DNAAF5: variants seen among roughly 807,000 people sequenced by gnomAD.
The protein encoded by DNAAF5 is HEAT repeat containing 2.
Under a neutral mutation model 75.8 loss-of-function variants are expected in DNAAF5, and 64 were observed. The observed-to-expected ratio is 0.84, with a 90% CI of 0.69 to 1.04. DNAAF5 has a LOEUF of 1.04. Ranked by LOEUF, DNAAF5 falls within the 50% of genes least tolerant of loss-of-function variation. DNAAF5 has a pLI of 0.00. For missense variants in DNAAF5, 1,269 were observed against 1,178.5 expected (o/e 1.08, Z -1.12); for synonymous variants, 657 against 557.2 (o/e 1.18, Z -2.52).
chr7:740,146 G>A (rs1046955061), intron 2 of DNAAF5, among the ~76,000 whole-genome samples: 22 of 152,294 alleles, frequency 1.4e-4, no homozygotes, highest in African/African-American at 3.1e-4. Context: ...CTTCCTGGCC[G>A]TTCCCGCTTC....
chr7:757,499 C>T (rs1228319791), intron 6 of DNAAF5, among the ~76,000 whole-genome samples: 1 of 152,236 alleles, frequency 6.6e-6, no homozygotes, highest in Non-Finnish European at 1.5e-5. Context: ...CACTGACAGC[C>T]TGTTCCCCAT....
intron 4 of DNAAF5, 24 bp downstream of exon 4, chr7:741,489 G>T: frequency 7.3e-7 from 1 of 1,376,966 alleles, no homozygotes; most frequent in Non-Finnish European, 1.0e-6. Flanking sequence ...GCAGAGGGGA[G>T]CGCCAGGAGG....
In DNAAF5 at chr7:775,132, G is replaced by C. The variant is rs147534674; in HGVS notation, c.2209G>C (p.Asp737His). 1.9e-6 allele frequency: 3 copies of C among 1,614,036 alleles called. No individual in the cohort carries two copies. The highest frequency in any genetic ancestry group is 1.3e-5 in the African/African-American group (1 of 74,914). ...CTTAAAAACCTCGGGCGGCATGACG[G>C]ATCCAGAGAAACTCATCAGGATTTA... ...TFLKTSGGMT[D>H]PEKLIRIYPE... Residue 737 changes from aspartate (D) to histidine (H), a missense_variant, in exon 11 of 13, where the codon GAT (aspartate) becomes CAT (histidine). Asp to His is a moderately conservative substitution (Grantham distance 81). Transcript: ENST00000297440.
intron 12 of DNAAF5, among the ~76,000 whole-genome samples, chr7:780,390 A>G (rs1778898102): frequency 6.6e-6 from 1 of 152,266 alleles, no homozygotes; most frequent in African/African-American, 2.4e-5. Flanking sequence ...TTAGTTGTTT[A>G]AAATAACAAT....
At position 770,107 on chromosome 7, in the gene DNAAF5, A is replaced by G. The variant is rs375896176; in HGVS notation, c.1784-364A>G. Among the ~76,000 whole-genome samples, 19 of 151,976 alleles carry G rather than the reference A, an allele frequency of 1.3e-4. No individual in the cohort carries two copies. In the East Asian group the frequency reaches 1.5e-3, roughly 12 times the overall value. On this transcript the variant is annotated intron_variant, in intron 8 of 12. Transcript: ENST00000297440. ...GATGGGACTACAGGTATATGCCACC[A>G]TGCTAGGGTAATTTTTGTATTTTTA...
intron 8 of DNAAF5, 67 bp from the exon 9 acceptor site, chr7:770,404 T>C: frequency 2.0e-6 from 3 of 1,505,220 alleles, no homozygotes; most frequent in Non-Finnish European, 2.7e-6. Context: ...AGCCTGGGCC[T>C]GTGCTGGATG....
At chr7:734,825 ATTTC>A (rs1781684586) in intron 2 of DNAAF5, among the ~76,000 whole-genome samples, 1 of 152,108 alleles carries the variant, frequency 6.6e-6, no homozygotes, top group Non-Finnish European at 1.5e-5. Flanking sequence ...GAATTTATCC[ATTTC>A]TTCTAGGTTT....
At chr7:782,885 AAC>A (rs1779020647) in intron 12 of DNAAF5, among the ~76,000 whole-genome samples, 1 of 150,032 alleles carries the variant, frequency 6.7e-6, no homozygotes, top group Admixed American at 6.6e-5. Context: ...CCCCTCACAC[AAC>A]GTCAGAAACT....
At chr7:757,927 G>A (rs924263058) in intron 6 of DNAAF5, among the ~76,000 whole-genome samples, 1 of 152,248 alleles carries the variant, frequency 6.6e-6, no homozygotes, top group African/African-American at 2.4e-5. Flanking sequence ...GGCCTGTCCT[G>A]TGTCAGGCTC....
rs144405450 is a variant in DNAAF5, at chr7:761,781, G to T, written c.1499G>T (p.Cys500Phe). The T allele has an allele frequency of 2.0e-4, 319 of 1,608,784 alleles. No homozygotes were observed. Among genetic ancestry groups the T allele is most frequent in the Non-Finnish European group, 2.6e-4 (308 of 1,177,774 alleles). ...NDLYLERLLL[C>F]VQALVSVCHE... ...CTCTACCTGGAGCGCCTGCTGCTGT[G>T]TGTGCAGGCTCTGGTGTCTGTGTGT... The change falls in exon 7 of 13, where the codon TGT becomes TTT. Residue 500 changes from cysteine to phenylalanine, a missense_variant. By Grantham distance (205) the Cys-to-Phe change is radical. Transcript: ENST00000297440.
Position 726,729 on chromosome 7 carries a change from G to A in DNAAF5, c.9G>A (p.Ala3=), listed in dbSNP as rs1424653090. 6.5e-6 allele frequency: 8 copies of A among 1,240,288 alleles called. No homozygotes were observed. The highest frequency in any genetic ancestry group is 8.1e-6 in the Non-Finnish European group (8 of 993,114). 76.8% of individuals were successfully genotyped at this position (1,240,288 alleles called of 1,614,324 possible). The change falls in exon 1 of 13, where the codon GCG becomes GCA. Residue 3 remains alanine (A), a synonymous_variant. Transcript: ENST00000297440. MA[A]LGVAEAVAAP... ...CCGGCGACGCGGGCAAGATGGCGGC[G>A]CTGGGGGTGGCGGAGGCCGTGGCGG... is the stretch of plus-strand genomic sequence containing the variant.
At chr7:753,980 G>T (rs900328501) in intron 4 of DNAAF5, among the ~76,000 whole-genome samples, 2 of 146,834 alleles carry the variant, frequency 1.4e-5, no homozygotes, top group African/African-American at 5.1e-5. Context: ...ATATGGCGAT[G>T]GCTTCGCAGG....
At chr7:729,402 C>T (rs1160581885) in intron 1 of DNAAF5, among the ~76,000 whole-genome samples, 2 of 152,244 alleles carry the variant, frequency 1.3e-5, no homozygotes, top group East Asian at 1.9e-4. Flanking sequence ...CCCAGCCTTT[C>T]CCCGCTGGTC....
chr7:756,668 C>A, intron 5 of DNAAF5, 114 bp from the exon 6 acceptor site: 1 of 910,230 alleles, frequency 1.1e-6, no homozygotes, highest in Non-Finnish European at 1.7e-6. Flanking sequence ...CTCTGCCTAA[C>A]ACGGGGCTCT....
chr7:745,034 C>T (rs34409897), intron 4 of DNAAF5, among the ~76,000 whole-genome samples: 4,680 of 152,304 alleles, frequency 0.031, 92 homozygotes, highest in Non-Finnish European at 0.046. Flanking sequence ...CTGTCAGTGC[C>T]TCTCCCTCCA....
chr7:765,813 G>T (rs2128081682), intron 8 of DNAAF5, among the ~76,000 whole-genome samples: 2 of 152,278 alleles, frequency 1.3e-5, no homozygotes, highest in South Asian at 4.1e-4. Flanking sequence ...TGATTTTTCT[G>T]CCTTAGCCTC....
At chr7:738,977 G>A (rs148877367) in intron 2 of DNAAF5, among the ~76,000 whole-genome samples, 74 of 152,370 alleles carry the variant, frequency 4.9e-4, no homozygotes, top group African/African-American at 1.6e-3. Flanking sequence ...GCCGGCCTGG[G>A]GCAGAGTGTG....
At position 729,807 on chromosome 7, in the gene DNAAF5, T is replaced by C. The variant is rs754884032; in HGVS notation, c.740T>C (p.Leu247Pro). The C allele has an allele frequency of 3.1e-6, 5 of 1,614,106 alleles. No individual in the cohort carries two copies. Among genetic ancestry groups the C allele is most frequent in the Non-Finnish European group, 4.2e-6 (5 of 1,180,048 alleles). ...FGNGKSVDDVLSHFAQRLFDD... is the reference protein window; with the variant it reads ...FGNGKSVDDVPSHFAQRLFDD... ...AACGGGAAGTCCGTGGACGACGTGC[T>C]TTCCCATTTTGCTCAGCGACTGTTT... The change falls in exon 2 of 13, where the codon CTT (leucine) becomes CCT (proline). Residue 247 changes from leucine to proline, a missense_variant. Leu to Pro is a moderately conservative substitution (Grantham distance 98). Coordinates refer to ENST00000297440, the MANE Select transcript of DNAAF5 (RefSeq NM_017802.4).
chr7:773,016 GT>G (rs1254603161), intron 9 of DNAAF5: 1 of 151,012 alleles, frequency 6.6e-6, no homozygotes, highest in Non-Finnish European at 1.5e-5. Flanking sequence ...TGGCGCCCGT[GT>G]GGCACGCCTG....
Sources: allele counts gnomAD v4.1 joint callset (sites outside exome capture counted in the v4.1 genomes callset), GRCh38; gene constraint gnomAD v4.1.1; transcripts MANE v1.5; gene names NCBI Gene and HGNC (gene_info 2026-07-23, HGNC 2026-07-21).